Variants in COL12A1 observed in about 807,000 individuals in gnomAD.
The protein encoded by COL12A1 is collagen type XII alpha 1 chain.
COL12A1 carries 114 observed loss-of-function variants against 349.7 expected under a neutral mutation model. The ratio of observed to expected loss-of-function variants is 0.33; its 90% confidence interval spans 0.28 to 0.38. The LOEUF (loss-of-function observed/expected upper bound fraction) is 0.38. Among genes scored for constraint, COL12A1 ranks in the 10% least tolerant of loss-of-function variants. The pLI, the probability that COL12A1 is intolerant of heterozygous loss-of-function variation, is 1.00. For missense variants in COL12A1, 3,284 were observed against 3,756.9 expected, an observed-to-expected ratio of 0.87 and a Z score of 3.29; for synonymous variants, 1,369 against 1,329.0, an observed-to-expected ratio of 1.03 and a Z score of -0.66.
chr6:75,175,087 A>G lies in COL12A1; in HGVS notation c.2661T>C (p.Tyr887=). The part of the protein sequence containing the change: ...TQYALSVTAL[Y]ASGAGDALFG... ...AGAGGGCGTCTCCAGCCCCAGACGC[A>G]TACAAGGCTGTCACAGATAAGGCGT... Residue 887 remains tyrosine, a synonymous_variant, in exon 13 of 66, where the codon TAT becomes TAC. Coordinates refer to ENST00000322507, the MANE Select transcript of COL12A1 (RefSeq NM_004370.6). 2 of 1,614,214 alleles carry G rather than the reference A, an allele frequency of 1.2e-6. No homozygotes were observed. Among genetic ancestry groups the G allele is most frequent in the Non-Finnish European group, 1.7e-6 (2 of 1,180,038 alleles).
Position 75,123,332 on chromosome 6 carries a change from T to C in COL12A1, c.6944A>G (p.Asp2315Gly), listed in dbSNP as rs1455004246. 10 of 1,608,444 alleles carry C rather than the reference T, an allele frequency of 6.2e-6. No individual in the cohort carries two copies. The Admixed American group carries it at 1.7e-4, about 27-fold the overall frequency. Residue 2315 changes from aspartate (D) to glycine (G), a missense_variant and splice_region_variant, in exon 43 of 66, where the codon GAT (aspartate) becomes GGT (glycine). By Grantham distance (94) the Asp-to-Gly change is moderately conservative. Coordinates refer to ENST00000322507, the MANE Select transcript of COL12A1 (RefSeq NM_004370.6). Reference sequence around the variant, plus strand: ...ATTGCCTATTTAGCTGTACTTACCATCCCGGGCTGGTGGAATGGTGGGAGG... The same window carrying C: ...ATTGCCTATTTAGCTGTACTTACCACCCCGGGCTGGTGGAATGGTGGGAGG... The part of the protein sequence containing the change: ...PPPPTIPPAR[D>G]VCKGAKADIV...
Position 75,189,621 on chromosome 6 carries a change from A to G in COL12A1, c.589T>C (p.Tyr197His), listed in dbSNP as rs1769820873. The change falls in exon 6 of 66, where the codon TAC becomes CAC. Residue 197 changes from tyrosine (Y) to histidine (H), a missense_variant. Tyr to His is a moderately conservative substitution (Grantham distance 83). Transcript: ENST00000322507. Reference sequence around the variant, plus strand: ...GCAAGAAGTTCATCCCTTTGGTAGTACTGATTTAAGTTAAATTCAGTCCTG... The same window carrying G: ...GCAAGAAGTTCATCCCTTTGGTAGTGCTGATTTAAGTTAAATTCAGTCCTG... ...DTRTEFNLNQ[Y>H]YQRDELLAAI... The G allele has an allele frequency of 1.2e-6, 2 of 1,613,250 alleles. No homozygotes were observed. The highest frequency in any genetic ancestry group is 1.7e-6 in the Non-Finnish European group (2 of 1,179,520).
intron 51 of COL12A1, 151 bp downstream of exon 51, chr6:75,113,050 ATAT>A (rs1768911705): frequency 2.3e-6 from 1 of 440,796 alleles, no homozygotes; most frequent in Non-Finnish European, 4.0e-6. Flanking sequence ...TTTATTTTAA[ATAT>A]TATTTGAATT....
intron 46 of COL12A1, among the ~76,000 whole-genome samples, chr6:75,118,467 G>T (rs1562150790): frequency 6.6e-6 from 1 of 152,084 alleles, no homozygotes; most frequent in Non-Finnish European, 1.5e-5. Context: ...GGGGGTAGGG[G>T]GGCTGTTAAT....
chr6:75,109,212 A>G (rs1562130285), intron 51 of COL12A1, 45 bp from the exon 52 acceptor site: 2 of 1,387,292 alleles, frequency 1.4e-6, no homozygotes, highest in Non-Finnish European at 2.0e-6. Context: ...TACACTAAAA[A>G]AATTAGCTGA....
intron 60 of COL12A1, 126 bp downstream of exon 60, chr6:75,094,982 T>C: frequency 1.2e-6 from 1 of 806,278 alleles, no homozygotes; most frequent in East Asian, 2.9e-5. Context: ...GAGTTTAGCA[T>C]GGTTTCAACA....
intron 49 of COL12A1, among the ~76,000 whole-genome samples, chr6:75,114,764 A>G (rs911355762): frequency 2.6e-5 from 4 of 152,114 alleles, no homozygotes; most frequent in Admixed American, 1.3e-4. Flanking sequence ...TATTTTCTTC[A>G]CATCAACTCA....
At chr6:75,103,088 A>G (rs1306156660) in intron 55 of COL12A1, among the ~76,000 whole-genome samples, 1 of 152,178 alleles carries the variant, frequency 6.6e-6, no homozygotes. Context: ...GGATATATAA[A>G]TCAAGCAAGG....
intron 51 of COL12A1, among the ~76,000 whole-genome samples, chr6:75,109,504 A>T (rs927751492): frequency 2.6e-5 from 4 of 152,138 alleles, no homozygotes; most frequent in African/African-American, 9.7e-5. Context: ...ACCCAAGTAG[A>T]GGTTAATAAA....
At chr6:75,193,035 C>T (rs918908299) in intron 3 of COL12A1, among the ~76,000 whole-genome samples, 2 of 152,076 alleles carry the variant, frequency 1.3e-5, no homozygotes, top group Admixed American at 6.6e-5. Context: ...GAATTACGTG[C>T]CTGATATTTT....
intron 9 of COL12A1, 68 bp downstream of exon 9, chr6:75,183,786 A>T (rs1386772168): frequency 1.0e-5 from 16 of 1,572,146 alleles, no homozygotes; most frequent in African/African-American, 2.7e-5. Flanking sequence ...CTAAGTCCAA[A>T]CAAGTAAGGC....
chr6:75,152,318 G>A lies in COL12A1; in HGVS notation c.3715+15C>T, dbSNP rs1435193318. 3 of 1,613,418 alleles carry A rather than the reference G, an allele frequency of 1.9e-6. No individual in the cohort carries two copies. Among genetic ancestry groups the A allele is most frequent in the Admixed American group, 1.7e-5 (1 of 59,908 alleles). On this transcript the variant is annotated intron_variant, in intron 18 of 65. Transcript: ENST00000322507. ...ATAAAAATGTCTAAATGGCTCCAAT[G>A]TTGTCAGAACCTACCAATTTGTACT... is the stretch of plus-strand genomic sequence containing the variant.
chr6:75,159,193 TATGGTTATG>T (rs1394744511), intron 14 of COL12A1, among the ~76,000 whole-genome samples: 7 of 151,518 alleles, frequency 4.6e-5, no homozygotes, highest in African/African-American at 9.7e-5. Flanking sequence ...AAATTCAATA[TATGGTTATG>T]ATGGTTATGA....
chr6:75,199,052 T>A (rs963156869), intron 2 of COL12A1, among the ~76,000 whole-genome samples: 2 of 152,192 alleles, frequency 1.3e-5, no homozygotes, highest in Non-Finnish European at 2.9e-5. Flanking sequence ...GTACCATAAA[T>A]AATCAGTTGA....
chr6:75,164,888 A>G (rs1233020311), intron 14 of COL12A1, among the ~76,000 whole-genome samples: 1 of 152,190 alleles, frequency 6.6e-6, no homozygotes, highest in Non-Finnish European at 1.5e-5. Context: ...CCATCAGAAA[A>G]TTGAGTGGGC....
In COL12A1 at chr6:75,177,803, C is replaced by T; in HGVS notation, c.2297G>A (p.Arg766Lys). The T allele has an allele frequency of 1.9e-6, 3 of 1,614,118 alleles. No individual in the cohort carries two copies. The highest frequency in any genetic ancestry group is 2.5e-6 in the Non-Finnish European group (3 of 1,180,018). ...IYRPVAGGES[R>K]EVTTPPNQRR... Reference sequence around the variant, plus strand: ...CTGATTGGGTGGGGTGGTAACTTCTCTGCTCTCTCCACCAGCAACTGGTCT... The same window carrying T: ...CTGATTGGGTGGGGTGGTAACTTCTTTGCTCTCTCCACCAGCAACTGGTCT... Residue 766 changes from arginine to lysine, a missense_variant, in exon 12 of 66, where the codon AGA (arginine) becomes AAA (lysine). Around this residue, in one of 2 missense-constraint regions of COL12A1, gnomAD observed 2,601 missense variants for 2,824.8 expected, o/e 0.92. Coordinates refer to ENST00000322507, the MANE Select transcript of COL12A1 (RefSeq NM_004370.6).
Position 75,087,712 on chromosome 6 carries a change from A to G in COL12A1, c.9046T>C (p.Ser3016Pro). ...QGESRTGPPG[S>P]TGSRGPPGPP... ...CCAGGGGGACCTCTTGAACCTGTGG[A>G]CCCTGGTGGACCTGTTCTGGATTCT... The change falls in exon 65 of 66, where the codon TCC becomes CCC. Residue 3016 changes from serine to proline, a missense_variant. This residue lies in a region of COL12A1 where 683 missense variants were observed against 932.1 expected (regional missense o/e 0.73). Transcript: ENST00000322507. 6.2e-7 allele frequency: 1 copy of G among 1,606,478 alleles called. No individual in the cohort carries two copies. The highest frequency in any genetic ancestry group is 1.1e-5 in the South Asian group (1 of 89,738).
intron 51 of COL12A1, among the ~76,000 whole-genome samples, chr6:75,111,812 T>G (rs1313722829): frequency 6.6e-6 from 1 of 151,342 alleles, no homozygotes; most frequent in African/African-American, 2.4e-5. Context: ...GGGATTTTTG[T>G]TTTTCCTTTT....
At chr6:75,110,623 T>C (rs1011540459) in intron 51 of COL12A1, among the ~76,000 whole-genome samples, 7 of 151,994 alleles carry the variant, frequency 4.6e-5, no homozygotes, top group African/African-American at 7.2e-5. Flanking sequence ...ATTATAAATG[T>C]CTCACATGAA....
Sources: gnomAD v4.1 joint callset for allele counts (sites outside exome capture counted in the v4.1 genomes callset) on GRCh38, gnomAD v4.1.1 for gene constraint, gnomAD v4.1.1 regional missense constraint, MANE v1.5 for transcripts, NCBI Gene and HGNC (gene_info 2026-07-23, HGNC 2026-07-21) for gene names.